SYNPR: variants seen among roughly 807,000 people sequenced by gnomAD.
The protein encoded by SYNPR is synaptoporin.
SYNPR carries 23 observed loss-of-function variants against 32.9 expected under a neutral mutation model. The observed-to-expected ratio is 0.70, with a 90% CI of 0.50 to 0.99. The LOEUF (loss-of-function observed/expected upper bound fraction) is 0.99, where lower values mean the gene tolerates loss of function less well. SYNPR is among the 50% of genes least tolerant of loss of function. SYNPR has a pLI of 0.00. For synonymous variants in SYNPR, 146 were observed against 135.9 expected (o/e 1.07, Z -0.52); for missense variants, 318 against 349.3 (o/e 0.91, Z 0.71).
chr3:63,577,792 T>C (rs535152685), intron 4 of SYNPR, among the ~76,000 whole-genome samples: 1 of 152,256 alleles, frequency 6.6e-6, no homozygotes, highest in Non-Finnish European at 1.5e-5. Flanking sequence ...AAAGTACGTG[T>C]TTCCAAGGCA....
At chr3:63,359,849 A>G (rs147251593) in intron 2 of SYNPR, among the ~76,000 whole-genome samples, 198 of 152,334 alleles carry the variant, frequency 1.3e-3, no homozygotes, top group African/African-American at 4.5e-3. Context: ...TTGGCTATAA[A>G]CAACATAAAA....
chr3:63,601,689 T>G (rs538392863), intron 4 of SYNPR, among the ~76,000 whole-genome samples: 1 of 152,370 alleles, frequency 6.6e-6, no homozygotes, highest in African/African-American at 2.4e-5. Context: ...CATTCTTTTT[T>G]TATGGCTGTA....
chr3:63,427,993 T>C (rs1427834166), intron 2 of SYNPR, among the ~76,000 whole-genome samples: 2 of 152,274 alleles, frequency 1.3e-5, no homozygotes, highest in Non-Finnish European at 2.9e-5. Flanking sequence ...TAAGCACTAG[T>C]TTTTTTTAAA....
the SYNPR span, among the ~76,000 whole-genome samples, chr3:63,204,739 A>T: frequency 1.3e-5 from 2 of 151,712 alleles, no homozygotes; most frequent in Non-Finnish European, 2.9e-5. Flanking sequence ...GCTGGAGTGC[A>T]GTGGCACAGT....
intron 2 of SYNPR, among the ~76,000 whole-genome samples, chr3:63,369,756 A>G (rs2087772201): frequency 6.6e-6 from 1 of 152,138 alleles, no homozygotes; most frequent in Non-Finnish European, 1.5e-5. Context: ...TTTTTTATTT[A>G]ATTGTAATTG....
intron 2 of SYNPR, among the ~76,000 whole-genome samples, chr3:63,361,006 T>C (rs568527313): frequency 1.6e-4 from 24 of 152,330 alleles, no homozygotes; most frequent in African/African-American, 5.5e-4. Context: ...CTGCACGTAA[T>C]GGACAATCGA....
intron 2 of SYNPR, among the ~76,000 whole-genome samples, chr3:63,394,217 A>T (rs2088180686): frequency 6.6e-6 from 1 of 152,168 alleles, no homozygotes; most frequent in Admixed American, 6.5e-5. Flanking sequence ...TACCTATGTG[A>T]CCTTGAACAA....
At chr3:63,413,168 C>T (rs1390725030) in intron 2 of SYNPR, among the ~76,000 whole-genome samples, 1 of 152,094 alleles carries the variant, frequency 6.6e-6, no homozygotes, top group Non-Finnish European at 1.5e-5. Flanking sequence ...ATAAAATAAC[C>T]TTCCTCATTA....
At chr3:63,211,202 G>C in the SYNPR span, among the ~76,000 whole-genome samples, 1 of 152,016 alleles carries the variant, frequency 6.6e-6, no homozygotes, top group Non-Finnish European at 1.5e-5. Context: ...TGAGTAGCAG[G>C]GATTACAGGC....
intron 2 of SYNPR, among the ~76,000 whole-genome samples, chr3:63,478,949 A>G (rs1297519673): frequency 6.6e-6 from 1 of 152,126 alleles, no homozygotes; most frequent in Non-Finnish European, 1.5e-5. Context: ...TATTAATACT[A>G]CTAATACTAA....
chr3:63,519,797 G>T (rs1010980391), intron 3 of SYNPR, among the ~76,000 whole-genome samples: 26 of 152,138 alleles, frequency 1.7e-4, no homozygotes, highest in South Asian at 1.2e-3. Flanking sequence ...GAAAAAGTAT[G>T]CTCTTTAATG....
chr3:63,341,624 C>A (rs2087371756), intron 2 of SYNPR, among the ~76,000 whole-genome samples: 1 of 152,176 alleles, frequency 6.6e-6, no homozygotes, highest in Non-Finnish European at 1.5e-5. Flanking sequence ...AGCATCTTTT[C>A]ATATGCTTAT....
intron 2 of SYNPR, among the ~76,000 whole-genome samples, chr3:63,334,554 G>A (rs976580066): frequency 4.9e-5 from 7 of 141,460 alleles, no homozygotes; most frequent in East Asian, 2.1e-4. Context: ...GTGTGTGTGT[G>A]TGTGGACACA....
At chr3:63,410,704 T>G (rs1235575740) in intron 2 of SYNPR, among the ~76,000 whole-genome samples, 2 of 152,148 alleles carry the variant, frequency 1.3e-5, no homozygotes, top group Non-Finnish European at 2.9e-5. Flanking sequence ...CTAGAACATA[T>G]GCATGTGACC....
intron 4 of SYNPR, among the ~76,000 whole-genome samples, chr3:63,560,715 G>T (rs1018078451): frequency 6.6e-6 from 1 of 152,190 alleles, no homozygotes. Flanking sequence ...CAGACAAAGA[G>T]AGAAGAAGTG....
chr3:63,356,881 A>G (rs2087590796), intron 2 of SYNPR, among the ~76,000 whole-genome samples: 1 of 152,252 alleles, frequency 6.6e-6, no homozygotes, highest in Non-Finnish European at 1.5e-5. Context: ...TCTGAAGTCC[A>G]GTATTACAAT....
chr3:63,511,370 G>T (rs1259469085), intron 3 of SYNPR, among the ~76,000 whole-genome samples: 1 of 152,152 alleles, frequency 6.6e-6, no homozygotes, highest in Non-Finnish European at 1.5e-5. Flanking sequence ...TCAGAGCTCT[G>T]CATTGTGACA....
intron 3 of SYNPR, among the ~76,000 whole-genome samples, chr3:63,518,788 A>G (rs1701848431): frequency 6.6e-6 from 1 of 152,172 alleles, no homozygotes; most frequent in South Asian, 2.1e-4. Flanking sequence ...AGTGAAATTC[A>G]GGGGGACAAG....
chr3:63,461,026 G>A (rs1293796082), intron 2 of SYNPR, among the ~76,000 whole-genome samples: 1 of 152,084 alleles, frequency 6.6e-6, no homozygotes, highest in African/African-American at 2.4e-5. Context: ...GAGACATGCA[G>A]GATGACTCTC....
Sources: allele counts gnomAD v4.1 joint callset (sites outside exome capture counted in the v4.1 genomes callset), GRCh38; gene constraint gnomAD v4.1.1; transcripts MANE v1.5; gene names NCBI Gene and HGNC (gene_info 2026-07-23, HGNC 2026-07-21).